The following TXNRD1 variants were observed in gnomAD, a reference collection of about 807,000 sequenced individuals.
TXNRD1 encodes thioredoxin reductase 1.
In TXNRD1, 57 loss-of-function variants were observed where a neutral mutation model predicts 80.3. The observed-to-expected ratio is 0.71, with a 90% CI of 0.57 to 0.89. The LOEUF (loss-of-function observed/expected upper bound fraction) is 0.89. Among genes scored for constraint, TXNRD1 ranks in the 40% least tolerant of loss-of-function variants. The pLI is 0.00. For missense variants in TXNRD1, 730 were observed against 803.0 expected (o/e 0.91, Z 1.10); for synonymous variants, 291 against 285.2 (o/e 1.02, Z -0.20).
intron 2 of TXNRD1, among the ~76,000 whole-genome samples, chr12:104,252,982 G>A (rs936340333): frequency 2.0e-5 from 3 of 151,784 alleles, no homozygotes; most frequent in African/African-American, 7.3e-5. Flanking sequence ...GATTACAGGC[G>A]TGAGCCACCG....
chr12:104,297,343 G>T (rs1277506920), intron 4 of TXNRD1, among the ~76,000 whole-genome samples: 1 of 149,752 alleles, frequency 6.7e-6, no homozygotes, highest in Non-Finnish European at 1.5e-5. Flanking sequence ...AACACTTGTT[G>T]ACAAATAAAT....
intron 1 of TXNRD1, among the ~76,000 whole-genome samples, chr12:104,225,306 C>G (rs924243746): frequency 3.9e-5 from 6 of 152,198 alleles, no homozygotes; most frequent in African/African-American, 1.4e-4. Flanking sequence ...AGGTAACAAG[C>G]ATACAACTAT....
At chr12:104,267,602 G>A (rs1012109708) in intron 3 of TXNRD1, among the ~76,000 whole-genome samples, 3 of 150,460 alleles carry the variant, frequency 2.0e-5, no homozygotes, top group Non-Finnish European at 4.4e-5. Flanking sequence ...TATGTATAAT[G>A]TTCATGGTGT....
At chr12:104,265,274 C>T (rs1455965135) in intron 3 of TXNRD1, 1 of 1,525,710 alleles carries the variant, frequency 6.6e-7, no homozygotes, top group Non-Finnish European at 8.8e-7. Flanking sequence ...AAAAAACTTC[C>T]TTTTGCGGGT....
chr12:104,291,967 T>C (rs1233072404), intron 4 of TXNRD1, among the ~76,000 whole-genome samples: 1 of 152,220 alleles, frequency 6.6e-6, no homozygotes, highest in African/African-American at 2.4e-5. Context: ...TAGTGGAGAA[T>C]TGAGTGCTTA....
At chr12:104,275,987 G>A (rs2033749325) in intron 3 of TXNRD1, among the ~76,000 whole-genome samples, 1 of 152,140 alleles carries the variant, frequency 6.6e-6, no homozygotes, top group South Asian at 2.1e-4. Context: ...AGTTGCCTAA[G>A]GGCACACAGT....
intron 3 of TXNRD1, chr12:104,265,777 C>G (rs368647662): frequency 1.3e-6 from 2 of 1,578,052 alleles, no homozygotes; most frequent in Non-Finnish European, 8.6e-7. Flanking sequence ...GCTGCCCCAC[C>G]GGGTCCTGCG....
At chr12:104,298,808 G>GC (rs539450493) in intron 4 of TXNRD1, among the ~76,000 whole-genome samples, 16 of 148,760 alleles carry the variant, frequency 1.1e-4, no homozygotes, top group African/African-American at 3.7e-4. Flanking sequence ...TTTGTATACA[G>GC]TTTTTTTTTT....
intron 1 of TXNRD1, among the ~76,000 whole-genome samples, chr12:104,237,490 C>A (rs774596526): frequency 2.0e-5 from 3 of 152,132 alleles, no homozygotes; most frequent in African/African-American, 7.2e-5. Flanking sequence ...AAAATGGCAC[C>A]GTTAATTTTA....
intron 1 of TXNRD1, among the ~76,000 whole-genome samples, chr12:104,228,435 C>A (rs2032527246): frequency 6.6e-6 from 1 of 151,810 alleles, no homozygotes; most frequent in African/African-American, 2.4e-5. Context: ...AGTTTGAGAC[C>A]AGCCTGACCA....
intron 3 of TXNRD1, chr12:104,286,714 T>C: frequency 1.0e-6 from 1 of 998,948 alleles, no homozygotes; most frequent in Non-Finnish European, 1.2e-6. Flanking sequence ...GCTAGCAAAG[T>C]TCTGTAGCTA....
rs557038521 is a variant in TXNRD1 at position 104,316,514 on chromosome 12, C to G, written c.730+618C>G. The stretch of plus-strand genomic sequence containing the variant: ...ACACCATTCTCCTGCCTCAGCCTCC[C>G]GAGTAGCTGGGATTACGGGCGCCTG... On this transcript the variant is annotated intron_variant, in intron 7 of 16. Transcript: ENST00000525566. Among the ~76,000 whole-genome samples, 3 of 152,234 alleles carry G rather than the reference C, an allele frequency of 2.0e-5. No homozygotes were observed. In the South Asian group the frequency reaches 6.2e-4, roughly 32 times the overall value.
At chr12:104,224,686 G>T in intron 1 of TXNRD1, 1 of 367,266 alleles carries the variant, frequency 2.7e-6, no homozygotes, top group Non-Finnish European at 5.4e-6. Flanking sequence ...ACCTATAGCT[G>T]TCTTGTTTAG....
At chr12:104,322,298 A>G (rs2035560779) in intron 10 of TXNRD1, among the ~76,000 whole-genome samples, 1 of 149,646 alleles carries the variant, frequency 6.7e-6, no homozygotes, top group South Asian at 2.1e-4. Context: ...ATCTCATAAT[A>G]TTGTTATGAA....
chr12:104,242,367 G>C (rs981023964), intron 1 of TXNRD1, among the ~76,000 whole-genome samples: 1 of 151,714 alleles, frequency 6.6e-6, no homozygotes, highest in Non-Finnish European at 1.5e-5. Context: ...GGCCAAGATG[G>C]TGAAACCCCG....
intron 4 of TXNRD1, among the ~76,000 whole-genome samples, chr12:104,305,599 A>G (rs1266298945): frequency 6.6e-6 from 1 of 152,260 alleles, no homozygotes; most frequent in Non-Finnish European, 1.5e-5. Context: ...GGTCAAATGC[A>G]TGGAATTGTT....
chr12:104,325,910 C>T (rs993616492), intron 11 of TXNRD1, among the ~76,000 whole-genome samples: 6 of 151,150 alleles, frequency 4.0e-5, no homozygotes, highest in African/African-American at 4.9e-5. Flanking sequence ...AAACGGATGG[C>T]TTCAGATTTT....
chr12:104,292,768 C>A (rs996958265), intron 4 of TXNRD1, among the ~76,000 whole-genome samples: 2 of 152,070 alleles, frequency 1.3e-5, no homozygotes, highest in African/African-American at 2.4e-5. Flanking sequence ...GTTTGAGACG[C>A]TTTAATATTA....
intron 16 of TXNRD1, among the ~76,000 whole-genome samples, chr12:104,343,445 A>G (rs747263546): frequency 6.6e-5 from 10 of 152,172 alleles, no homozygotes; most frequent in Admixed American, 1.3e-4. Flanking sequence ...CACTCAGCCA[A>G]TTCCTCTTAG....
Sources: allele counts gnomAD v4.1 joint callset (sites outside exome capture counted in the v4.1 genomes callset), GRCh38; gene constraint gnomAD v4.1.1; transcripts MANE v1.5; gene names NCBI Gene and HGNC (gene_info 2026-07-23, HGNC 2026-07-21).